Variants in RELN observed in about 807,000 individuals in gnomAD.
The protein encoded by RELN is reelin.
Under a neutral mutation model 427.6 loss-of-function variants are expected in RELN, and 108 were observed. That is an observed-to-expected ratio of 0.25 (90% CI 0.22 to 0.30). The LOEUF is 0.30. RELN is among the 10% of genes least tolerant of loss of function. The pLI is 1.00. For missense variants in RELN, 3,715 were observed against 4,302.8 expected (o/e 0.86, Z 3.82); for synonymous variants, 1,524 against 1,513.4 (o/e 1.01, Z -0.16).
chr7:103,869,066 A>T (rs544695818), intron 2 of RELN, among the ~76,000 whole-genome samples: 1 of 152,030 alleles, frequency 6.6e-6, no homozygotes, highest in Non-Finnish European at 1.5e-5. Flanking sequence ...GTTTAAGTTC[A>T]ATGCTTTTTA....
chr7:103,635,496 A>T lies in RELN; in HGVS notation c.2394T>A (p.His798Gln). The T allele has an allele frequency of 6.2e-7, 1 of 1,614,024 alleles. No homozygotes were observed. Among genetic ancestry groups the T allele is most frequent in the Non-Finnish European group, 8.5e-7 (1 of 1,179,918 alleles). ...AAGTTATCCCATTATCATAAGAATA[A>T]TGCAACAAAACTCCTTCACCAGGCT... ...PDQPGEGVLL[H>Q]YSYDNGITWK... Residue 798 changes from histidine (H) to glutamine (Q), a missense_variant, in exon 19 of 65, where the codon CAT becomes CAA. Physicochemically the swap from His to Gln is conservative, Grantham distance 24. This residue lies in a region of RELN where 2,208 missense variants were observed against 2,361.7 expected (regional missense o/e 0.93). Coordinates refer to ENST00000428762, the MANE Select transcript of RELN (RefSeq NM_005045.4).
intron 51 of RELN, 51 bp from the exon 52 acceptor site, chr7:103,503,281 C>A: frequency 6.4e-7 from 1 of 1,553,014 alleles, no homozygotes; most frequent in Non-Finnish European, 8.9e-7. Context: ...TGATATGATT[C>A]TTCTCCAAGG....
chr7:103,661,493 A>G lies in RELN; in HGVS notation c.1324T>C (p.Cys442Arg), dbSNP rs752189979. Residue 442 changes from cysteine (C) to arginine (R), a missense_variant, in exon 12 of 65, where the codon TGT (cysteine) becomes CGT (arginine). Coordinates refer to ENST00000428762, the MANE Select transcript of RELN (RefSeq NM_005045.4). Reference protein sequence around the residue: ...DVLGAVIGTECGTIESGLSMV... With the variant: ...DVLGAVIGTERGTIESGLSMV... ...GATAAGCCTGATTCTATCGTTCCAC[A>G]TTCTGTACCAATGACAGCTCCCAAG... 1 of 1,613,796 alleles carries G rather than the reference A, an allele frequency of 6.2e-7. No individual in the cohort carries two copies. The highest frequency in any genetic ancestry group is 8.5e-7 in the Non-Finnish European group (1 of 1,179,844).
intron 1 of RELN, among the ~76,000 whole-genome samples, chr7:103,958,172 T>C (rs994031680): frequency 6.6e-6 from 1 of 152,218 alleles, no homozygotes; most frequent in Non-Finnish European, 1.5e-5. Context: ...GATTAAGTAC[T>C]TAATGAATAA....
chr7:103,492,328 A>G (rs1828701254), intron 57 of RELN, among the ~76,000 whole-genome samples: 1 of 152,232 alleles, frequency 6.6e-6, no homozygotes, highest in Non-Finnish European at 1.5e-5. Flanking sequence ...ACATTAGTCA[A>G]ATTTATAGAC....
chr7:103,633,584 T>C (rs61295333), intron 19 of RELN, among the ~76,000 whole-genome samples: 1 of 152,218 alleles, frequency 6.6e-6, no homozygotes, highest in East Asian at 1.9e-4. Flanking sequence ...ACATATCTAA[T>C]ACTGAAAAGC....
intron 51 of RELN, among the ~76,000 whole-genome samples, chr7:103,506,874 G>A (rs960225954): frequency 1.1e-4 from 16 of 152,132 alleles, no homozygotes; most frequent in African/African-American, 3.9e-4. Flanking sequence ...AAAAAAGCAG[G>A]GGCTGCAATC....
intron 8 of RELN, among the ~76,000 whole-genome samples, chr7:103,720,421 A>T (rs553260766): frequency 2.6e-4 from 40 of 152,260 alleles, no homozygotes; most frequent in Non-Finnish European, 4.7e-4. Flanking sequence ...AACATAATTG[A>T]CCACTTAGGT....
chr7:103,963,134 C>CTTTTTTTTTTTTTTTTTTTTTTTT (rs61170235), intron 1 of RELN, among the ~76,000 whole-genome samples: 1 of 139,312 alleles, frequency 7.2e-6, no homozygotes. Context: ...TTTTCGCCTT[C>CTTTTTTTTTTTTTTTTTTTTTTTT]TTTTTTTTTT....
intron 4 of RELN, among the ~76,000 whole-genome samples, chr7:103,773,224 T>C (rs1791634757): frequency 8.6e-6 from 1 of 115,780 alleles, no homozygotes. Flanking sequence ...TCTCCCTCCC[T>C]CCCTCGCTCC....
At chr7:103,656,343 T>TTTC (rs1261285941) in intron 12 of RELN, among the ~76,000 whole-genome samples, 2 of 152,112 alleles carry the variant, frequency 1.3e-5, no homozygotes, top group African/African-American at 4.8e-5. Flanking sequence ...ACCCAGGAAG[T>TTTC]TGGCTTGATG....
intron 51 of RELN, among the ~76,000 whole-genome samples, chr7:103,509,247 A>G (rs1026582158): frequency 1.3e-5 from 2 of 152,250 alleles, no homozygotes; most frequent in African/African-American, 2.4e-5. Flanking sequence ...ACCTGACTTC[A>G]AAGTATACTA....
chr7:103,562,960 C>T (rs899209562), intron 34 of RELN, among the ~76,000 whole-genome samples: 2 of 152,302 alleles, frequency 1.3e-5, no homozygotes, highest in South Asian at 4.2e-4. Flanking sequence ...ATTTCCCCAT[C>T]CACCCATGCT....
Position 103,535,342 on chromosome 7 carries a change from G to A in RELN, c.7323C>T (p.Ile2441=), listed in dbSNP as rs1300916364. The A allele has an allele frequency of 4.3e-6, 7 of 1,613,900 alleles. No individual in the cohort carries two copies. Among genetic ancestry groups the A allele is most frequent in the African/African-American group, 1.3e-5 (1 of 74,924 alleles). The change falls in exon 46 of 65, where the codon ATC becomes ATT. Residue 2441 remains isoleucine (I), a synonymous_variant. Coordinates refer to ENST00000428762, the MANE Select transcript of RELN (RefSeq NM_005045.4). Reference sequence around the variant, plus strand: ...TGGTATAAGGAGGGAGAGGCAGAGTGATTCTAGTCCACTTGTTGAAAGTGT... The same window carrying A: ...TGGTATAAGGAGGGAGAGGCAGAGTAATTCTAGTCCACTTGTTGAAAGTGT... ...VSDTFNKWTR[I]TLPLPPYTRS... is the part of the protein sequence containing the mutation.
At chr7:103,718,162 G>A (rs773874135) in intron 8 of RELN, among the ~76,000 whole-genome samples, 5 of 151,738 alleles carry the variant, frequency 3.3e-5, no homozygotes, top group South Asian at 2.1e-4. Context: ...AAATACACTC[G>A]TGTAAACAGA....
chr7:103,686,426 C>G (rs1833765618), intron 10 of RELN, among the ~76,000 whole-genome samples: 1 of 152,058 alleles, frequency 6.6e-6, no homozygotes, highest in Non-Finnish European at 1.5e-5. Context: ...TTTTTAATGA[C>G]TGTAATATTT....
Position 103,539,090 on chromosome 7 carries a change from C to A in RELN, c.7168G>T (p.Asp2390Tyr), listed in dbSNP as rs1830119379. Residue 2390 changes from aspartate (D) to tyrosine (Y), a missense_variant, in exon 45 of 65, where the codon GAC becomes TAC. Coordinates refer to ENST00000428762, the MANE Select transcript of RELN (RefSeq NM_005045.4). ...IDFAASCSVT[D>Y]SCYAIELEYS... ...ACGGCATACTCACCATAACAAGAGTCTGTGACTGAGCAGGAGGCAGCGAAG... is the reference window on the plus strand; with the variant it reads ...ACGGCATACTCACCATAACAAGAGTATGTGACTGAGCAGGAGGCAGCGAAG... The A allele has an allele frequency of 4.3e-6, 7 of 1,614,142 alleles. No homozygotes were observed. Among genetic ancestry groups the A allele is most frequent in the South Asian group, 1.1e-5 (1 of 91,074 alleles).
intron 1 of RELN, among the ~76,000 whole-genome samples, chr7:103,971,008 C>T (rs117475317): frequency 0.031 from 4,705 of 152,062 alleles, 270 homozygotes; most frequent in East Asian, 0.24. Flanking sequence ...GTACAAAAGC[C>T]GGGTGTGGTC....
rs554715414 is a variant in RELN at position 103,603,830 on chromosome 7, C to T, written c.3147-340G>A. On this transcript the variant is annotated intron_variant, in intron 23 of 64. Transcript: ENST00000428762. This position sits in a 1 kb window ranked among gnomAD's most constrained non-coding sequence, Gnocchi z 4.3. ...ATTTCCCTATTGCCTTAAAAAATCA[C>T]ATATAAATGTCTGTCTGCTCAACCA... Among the ~76,000 whole-genome samples the T allele has an allele frequency of 1.6e-4, 25 of 152,254 alleles. No homozygotes were observed. The East Asian group carries it at 3.1e-3, about 19-fold the overall frequency.
Sources: allele counts gnomAD v4.1 joint callset (sites outside exome capture counted in the v4.1 genomes callset), GRCh38; gene constraint gnomAD v4.1.1; regional missense constraint gnomAD v4.1.1; non-coding constraint Gnocchi (gnomAD v3.1); transcripts MANE v1.5; gene names NCBI Gene and HGNC (gene_info 2026-07-23, HGNC 2026-07-21).